The following STK33 variants were observed in gnomAD, a reference collection of about 807,000 sequenced individuals.
STK33 encodes the protein serine/threonine kinase 33.
A neutral mutation model predicts 58.0 loss-of-function variants in STK33; 52 were observed. That is an observed-to-expected ratio of 0.90 (90% CI 0.72 to 1.13). The LOEUF is 1.13. Among genes scored for constraint, STK33 ranks in the 50% most tolerant of loss-of-function variants. The pLI is 0.00. For missense variants in STK33, 630 were observed against 604.2 expected, an observed-to-expected ratio of 1.04 and a Z score of -0.45; for synonymous variants, 215 against 200.1, an observed-to-expected ratio of 1.07 and a Z score of -0.63.
intron 1 of STK33, among the ~76,000 whole-genome samples, chr11:8,575,704 G>A (rs1295774912): frequency 6.6e-6 from 1 of 152,024 alleles, no homozygotes; most frequent in African/African-American, 2.4e-5. Context: ...TACTTAAAAT[G>A]GCTGCAATGG....
At chr11:8,544,571 A>C (rs1955773488) in intron 1 of STK33, among the ~76,000 whole-genome samples, 1 of 151,824 alleles carries the variant, frequency 6.6e-6, no homozygotes, top group African/African-American at 2.4e-5. Flanking sequence ...TATTCAAAGA[A>C]ATAGAGCCTC....
At chr11:8,560,395 C>T (rs893528597) in intron 1 of STK33, among the ~76,000 whole-genome samples, 1 of 151,828 alleles carries the variant, frequency 6.6e-6, no homozygotes, top group African/African-American at 2.4e-5. Flanking sequence ...AATATCTGTT[C>T]ATACTGATTT....
intron 1 of STK33, among the ~76,000 whole-genome samples, chr11:8,577,708 G>A (rs1958285261): frequency 6.6e-6 from 1 of 152,068 alleles, no homozygotes; most frequent in African/African-American, 2.4e-5. Flanking sequence ...CAGAAGCTAT[G>A]AAGGTGTAAG....
chr11:8,523,545 G>GC (rs1192941447), intron 1 of STK33, among the ~76,000 whole-genome samples: 1 of 151,718 alleles, frequency 6.6e-6, no homozygotes, highest in Admixed American at 6.6e-5. Context: ...GAAGCGAGGA[G>GC]CCCCTCCACC....
At chr11:8,482,805 C>A (rs947383368) in intron 1 of STK33, among the ~76,000 whole-genome samples, 1 of 152,018 alleles carries the variant, frequency 6.6e-6, no homozygotes, top group Non-Finnish European at 1.5e-5. Context: ...TCTCGGCTCA[C>A]TGCAAGCTCC....
Position 8,523,661 on chromosome 11 carries a change from G to A in STK33, c.-465-43047C>T, listed in dbSNP as rs559158595. Among the ~76,000 whole-genome samples the A allele has an allele frequency of 1.5e-4, 23 of 151,014 alleles. 1 individual carries two copies. In the South Asian group the frequency reaches 4.8e-3, roughly 32 times the overall value. On this transcript the variant is annotated intron_variant, in intron 1 of 15. Coordinates refer to ENST00000687296, the MANE Select transcript of STK33 (RefSeq NM_001352389.2). ...CGGCAGCTGCCCAGTCCGGGAGGTG[G>A]GGGGCAGCCCCCGCCAGGCAGCCGC...
chr11:8,335,247 T>C, the STK33 span, among the ~76,000 whole-genome samples: 72 of 152,320 alleles, frequency 4.7e-4, no homozygotes, highest in Non-Finnish European at 4.1e-4. Flanking sequence ...AGGCCCTTTA[T>C]GGAGTCCAGG....
At chr11:8,566,837 T>C (rs1387043835) in intron 1 of STK33, among the ~76,000 whole-genome samples, 2 of 152,216 alleles carry the variant, frequency 1.3e-5, no homozygotes, top group African/African-American at 2.4e-5. Flanking sequence ...CTCAGGACTT[T>C]AATACAGTTA....
chr11:8,439,909 A>G (rs1256892277), intron 12 of STK33, among the ~76,000 whole-genome samples: 1 of 126,418 alleles, frequency 7.9e-6, no homozygotes, highest in Non-Finnish European at 1.7e-5. Context: ...TATATATATC[A>G]GAGGATTTTA....
the STK33 span, among the ~76,000 whole-genome samples, chr11:8,336,811 C>T: frequency 6.6e-6 from 1 of 152,228 alleles, no homozygotes; most frequent in Admixed American, 6.5e-5. Context: ...TAAGGCTGGG[C>T]GGTGGCTGTG....
At chr11:8,562,013 A>G (rs558170697) in intron 1 of STK33, among the ~76,000 whole-genome samples, 2 of 152,278 alleles carry the variant, frequency 1.3e-5, no homozygotes, top group South Asian at 4.1e-4. Flanking sequence ...CTCACATCCT[A>G]TGACTGACCA....
At chr11:8,510,219 T>C (rs545208007) in intron 1 of STK33, among the ~76,000 whole-genome samples, 8 of 152,342 alleles carry the variant, frequency 5.3e-5, no homozygotes, top group African/African-American at 7.2e-5. Context: ...AGGTATCTCA[T>C]TGTGGTTTTA....
intron 1 of STK33, among the ~76,000 whole-genome samples, chr11:8,521,199 G>C (rs1953397426): frequency 6.6e-6 from 1 of 152,104 alleles, no homozygotes; most frequent in Admixed American, 6.6e-5. Context: ...GAACAAAGCT[G>C]GAGGCATCAC....
rs189175780 is a variant in STK33 at position 8,485,227 on chromosome 11, C to T, written c.-465-4613G>A. On this transcript the variant is annotated intron_variant, in intron 1 of 15. Transcript: ENST00000687296. ...ATAAGTTTATAATTTCCAAAAAGTC[C>T]ATGCAGAAGAATATAAAGTCTAAAA... is the stretch of plus-strand genomic sequence containing the variant. 2.7e-3 allele frequency among the ~76,000 whole-genome samples: 418 copies of T among 152,192 alleles called. 2 individuals are homozygous for T. Among genetic ancestry groups the T allele is most frequent in the African/African-American group, 9.6e-3 (400 of 41,530 alleles).
chr11:8,402,009 C>T lies in STK33; in HGVS notation c.1345-9299G>A, dbSNP rs1296984120. Among the ~76,000 whole-genome samples, 695 of 151,278 alleles carry T rather than the reference C, an allele frequency of 4.6e-3. 11 individuals are homozygous for T. Among genetic ancestry groups the T allele is most frequent in the African/African-American group, 0.016 (659 of 41,084 alleles). Reference sequence around the variant, plus strand: ...GTGGAGAAATAGGAACACTTTTACACTGTTGGTGGGACTGTAAACTAGTTC... The same window carrying T: ...GTGGAGAAATAGGAACACTTTTACATTGTTGGTGGGACTGTAAACTAGTTC... On this transcript the variant is annotated intron_variant, in intron 15 of 15. Coordinates refer to ENST00000687296, the MANE Select transcript of STK33 (RefSeq NM_001352389.2).
chr11:8,406,281 A>C (rs1304481678), intron 15 of STK33, among the ~76,000 whole-genome samples: 1 of 152,062 alleles, frequency 6.6e-6, no homozygotes, highest in Admixed American at 6.5e-5. Context: ...GTATCTATGT[A>C]GTAAATGTTG....
chr11:8,380,886 G>A, the STK33 span, among the ~76,000 whole-genome samples: 27 of 152,078 alleles, frequency 1.8e-4, no homozygotes, highest in South Asian at 2.1e-4. Flanking sequence ...TATATACACC[G>A]TGGCATATAC....
At chr11:8,578,199 G>T (rs1054147258) in intron 1 of STK33, among the ~76,000 whole-genome samples, 2 of 152,078 alleles carry the variant, frequency 1.3e-5, no homozygotes, top group African/African-American at 4.8e-5. Context: ...GTACTGGGAA[G>T]AAAAACCTTC....
chr11:8,440,731 G>C lies in STK33; in HGVS notation c.894C>G (p.His298Gln). Residue 298 changes from histidine (H) to glutamine (Q), a missense_variant, in exon 12 of 16, where the codon CAC becomes CAG. Coordinates refer to ENST00000687296, the MANE Select transcript of STK33 (RefSeq NM_001352389.2). ...AAATGTCACACTGCTGGCTATAGTC[G>C]TGGGCACTGATAACTTCAGGGGCTG... Reference protein sequence around the residue: ...IYMAPEVISAHDYSQQCDIWS... With the variant: ...IYMAPEVISAQDYSQQCDIWS... The C allele has an allele frequency of 6.4e-7, 1 of 1,569,458 alleles. No homozygotes were observed. The highest frequency in any genetic ancestry group is 8.7e-7 in the Non-Finnish European group (1 of 1,155,136).
Sources: gnomAD v4.1 joint callset for allele counts (sites outside exome capture counted in the v4.1 genomes callset) on GRCh38, gnomAD v4.1.1 for gene constraint, MANE v1.5 for transcripts, NCBI Gene and HGNC (gene_info 2026-07-23, HGNC 2026-07-21) for gene names.